The following RFLNA variants were observed in gnomAD, a reference collection of about 807,000 sequenced individuals.
RFLNA encodes refilin-A.
Under a neutral mutation model 7.8 loss-of-function variants are expected in RFLNA, and 5 were observed. The ratio of observed to expected loss-of-function variants is 0.64; its 90% CI spans 0.34 to 1.35. The LOEUF is 1.35. Among genes scored for constraint, RFLNA ranks in the 40% most tolerant of loss-of-function variants. The pLI, the probability that RFLNA is intolerant of heterozygous loss-of-function variation, is 0.04. For missense variants in RFLNA, 278 were observed against 305.5 expected, an observed-to-expected ratio of 0.91 and a Z score of 0.67; for synonymous variants, 141 against 131.3, an observed-to-expected ratio of 1.07 and a Z score of -0.50.
intron 2 of RFLNA, 71 bp from the exon 3 acceptor site, chr12:124,314,121 C>T (rs2135696549): frequency 6.5e-7 from 1 of 1,531,370 alleles, no homozygotes; most frequent in Non-Finnish European, 8.8e-7. Context: ...CCTTTCGTGT[C>T]CATGCTGAGG....
Position 124,315,798 on chromosome 12 carries a change from C to T in RFLNA, c.*1273C>T, listed in dbSNP as rs372587611. ...CCACAGTTGGGGGCTGCCCCTGCCA[C>T]TCCCCTGGTAATGCATAAAAGGGGA... On this transcript the variant is annotated 3_prime_UTR_variant, in exon 3 of 3. Coordinates refer to ENST00000546355, the MANE Select transcript of RFLNA (RefSeq NM_001365156.1). 12 of 152,360 alleles carry T rather than the reference C, an allele frequency of 7.9e-5. No individual in the cohort carries two copies. In the East Asian group the frequency reaches 1.2e-3, roughly 15 times the overall value. The allele number at this position is 152,360 out of a possible 1,614,324, so 9.4% of individuals were successfully genotyped here. A position where few individuals can be genotyped will look rare whatever the true frequency, so the allele number is the denominator to read the frequency against.
intron 1 of RFLNA, 27 bp from the exon 2 acceptor site, chr12:124,311,791 A>G (rs1566328974): frequency 7.3e-5 from 112 of 1,532,780 alleles, no homozygotes; most frequent in Non-Finnish European, 9.8e-5. Flanking sequence ...GGGCTGCATA[A>G]CCCCGTGTCC....
intron 1 of RFLNA, among the ~76,000 whole-genome samples, chr12:124,296,970 C>T (rs1284198010): frequency 1.3e-5 from 2 of 152,144 alleles, no homozygotes; most frequent in Non-Finnish European, 2.9e-5. Context: ...TGAGGACTTC[C>T]AGGAGTTGAT....
intron 1 of RFLNA, among the ~76,000 whole-genome samples, chr12:124,308,197 G>A (rs549553786): frequency 2.4e-4 from 37 of 152,274 alleles, no homozygotes; most frequent in African/African-American, 2.4e-4. Flanking sequence ...GTCCAGGCTA[G>A]TCTTAAACTC....
chr12:124,295,419 GC>G lies in RFLNA; in HGVS notation c.-5del, dbSNP rs1184053922. On this transcript the variant is annotated 5_prime_UTR_variant, in exon 1 of 3. Transcript: ENST00000546355. ...GAGGAGCGGGGGGCCCGCGCCCCGC[GC>G]CCCCCAGACATGGTGGGCCACCTGC... The G allele has an allele frequency of 1.6e-6, 2 of 1,227,424 alleles. No homozygotes were observed. The highest frequency in any genetic ancestry group is 3.1e-5 in the African/African-American group (2 of 64,042). 76.0% of individuals were successfully genotyped at this position (1,227,424 alleles called of 1,614,324 possible). A position where few individuals can be genotyped will look rare whatever the true frequency, so the allele number is the denominator to read the frequency against.
chr12:124,303,122 C>T (rs996796158), intron 1 of RFLNA, among the ~76,000 whole-genome samples: 4 of 152,186 alleles, frequency 2.6e-5, no homozygotes, highest in Non-Finnish European at 5.9e-5. Flanking sequence ...CAGGCTGTGC[C>T]TCCCTGTGAG....
chr12:124,302,797 T>TCAGGGGCCGAGGG (rs2034061944), intron 1 of RFLNA, among the ~76,000 whole-genome samples: 1 of 139,970 alleles, frequency 7.1e-6, no homozygotes, highest in Admixed American at 7.1e-5. Flanking sequence ...GGGGCCGAGG[T>TCAGGGGCCGAGGG]CAGGGGCTGA....
intron 1 of RFLNA, among the ~76,000 whole-genome samples, chr12:124,300,360 T>C (rs958509221): frequency 6.6e-5 from 10 of 152,212 alleles, no homozygotes; most frequent in African/African-American, 2.2e-4. Flanking sequence ...TGGACCCACA[T>C]TGCAAGAGAA....
chr12:124,293,341 CT>C (rs914422653), upstream of RFLNA, among the ~76,000 whole-genome samples: 10 of 152,296 alleles, frequency 6.6e-5, no homozygotes, highest in Admixed American at 2.0e-4. Context: ...TCATTAGTCC[CT>C]GAGATAAGAA....
chr12:124,298,591 G>A (rs183191404), intron 1 of RFLNA, among the ~76,000 whole-genome samples: 2 of 152,320 alleles, frequency 1.3e-5, no homozygotes, highest in Non-Finnish European at 2.9e-5. Context: ...GCTCTGTTTG[G>A]GGCCATGGAG....
At chr12:124,299,687 T>C (rs1317851489) in intron 1 of RFLNA, among the ~76,000 whole-genome samples, 1 of 152,272 alleles carries the variant, frequency 6.6e-6, no homozygotes, top group African/African-American at 2.4e-5. Context: ...CATGATTTCA[T>C]TCCTTTTTAT....
At chr12:124,298,519 C>T (rs938717142) in intron 1 of RFLNA, among the ~76,000 whole-genome samples, 4 of 152,168 alleles carry the variant, frequency 2.6e-5, no homozygotes, top group Admixed American at 6.5e-5. Context: ...CCAGGCCAGA[C>T]GAAGAGCTGG....
At chr12:124,293,988 C>CTTAG (rs1341965905), upstream of RFLNA, among the ~76,000 whole-genome samples, 1 of 152,210 alleles carries the variant, frequency 6.6e-6, no homozygotes, top group Non-Finnish European at 1.5e-5. Context: ...GACTCACAGC[C>CTTAG]TTAGCTTCCT....
At chr12:124,308,210 G>A (rs1308322785) in intron 1 of RFLNA, among the ~76,000 whole-genome samples, 2 of 152,244 alleles carry the variant, frequency 1.3e-5, no homozygotes, top group African/African-American at 4.8e-5. Context: ...TTAAACTCCT[G>A]ACCTCAGGTG....
intron 1 of RFLNA, among the ~76,000 whole-genome samples, chr12:124,307,284 T>C (rs2034153519): frequency 6.6e-6 from 1 of 152,148 alleles, no homozygotes; most frequent in Non-Finnish European, 1.5e-5. Flanking sequence ...CCAGTGGCCG[T>C]GAACCCTGGC....
chr12:124,313,511 T>C (rs1440931894), intron 2 of RFLNA, among the ~76,000 whole-genome samples: 1 of 152,128 alleles, frequency 6.6e-6, no homozygotes, highest in Non-Finnish European at 1.5e-5. Flanking sequence ...ACTCCGTCTC[T>C]ACTAAAAATT....
intron 1 of RFLNA, among the ~76,000 whole-genome samples, chr12:124,303,292 T>C (rs570197520): frequency 6.6e-6 from 1 of 152,288 alleles, no homozygotes; most frequent in East Asian, 1.9e-4. Context: ...CTGTGTACTT[T>C]GACTTCCAGC....
chr12:124,300,753 T>C (rs1211080454), intron 1 of RFLNA, among the ~76,000 whole-genome samples: 3 of 132,422 alleles, frequency 2.3e-5, no homozygotes, highest in African/African-American at 9.3e-5. Context: ...GATGGATGGA[T>C]GGATGGATGG....
intron 1 of RFLNA, among the ~76,000 whole-genome samples, chr12:124,310,723 T>C (rs1000048144): frequency 1.3e-5 from 2 of 152,116 alleles, no homozygotes; most frequent in Non-Finnish European, 2.9e-5. Context: ...GGACAGACTT[T>C]AAAACAGACC....
Sources: gnomAD v4.1 joint callset for allele counts (sites outside exome capture counted in the v4.1 genomes callset) on GRCh38, gnomAD v4.1.1 for gene constraint, MANE v1.5 for transcripts, NCBI Gene and HGNC (gene_info 2026-07-23, HGNC 2026-07-21) for gene names.